Variants in HTT observed in about 807,000 individuals in gnomAD.
HTT encodes the protein huntingtin.
HTT carries 104 observed loss-of-function variants against 362.3 expected under a neutral mutation model. The observed-to-expected ratio is 0.29, with a 90% CI of 0.24 to 0.34. The LOEUF is 0.34. Ranked by LOEUF, HTT falls within the 10% of genes least tolerant of loss-of-function variation. The pLI is 1.00. For synonymous variants in HTT, 1,577 were observed against 1,548.7 expected (o/e 1.02, Z -0.43); for missense variants, 3,301 against 3,928.6 (o/e 0.84, Z 4.27).
intron 1 of HTT, among the ~76,000 whole-genome samples, 158 bp downstream of exon 1, chr4:3,075,246 C>T (rs1020461211): frequency 3.6e-4 from 55 of 152,364 alleles, no homozygotes; most frequent in Non-Finnish European, 6.8e-4. Flanking sequence ...CACCCGCCCC[C>T]TCCTGGGGCG....
At chr4:3,171,132 C>A (rs1364200275) in intron 29 of HTT, among the ~76,000 whole-genome samples, 1 of 152,098 alleles carries the variant, frequency 6.6e-6, no homozygotes, top group African/African-American at 2.4e-5. Context: ...CTGCTGGGAG[C>A]TAGTAAAAAC....
In HTT at chr4:3,147,949, A is replaced by T. The variant is rs904152595; in HGVS notation, c.3296-56A>T. 4 of 1,416,580 alleles carry T rather than the reference A, an allele frequency of 2.8e-6. No homozygotes were observed. The African/African-American group carries it at 4.3e-5, about 15-fold the overall frequency. The allele number at this position is 1,416,580 out of a possible 1,614,324, so 87.8% of individuals were successfully genotyped here. The stretch of plus-strand genomic sequence containing the variant: ...TTAAATGACTTCAGTTCCCCAAGCA[A>T]TTTGTCCTTCCCATGCTATTGGGGT... On this transcript the variant is annotated intron_variant, in intron 25 of 66. Transcript: ENST00000355072.
At chr4:3,086,608 C>G (rs949403146) in intron 1 of HTT, among the ~76,000 whole-genome samples, 7 of 152,124 alleles carry the variant, frequency 4.6e-5, no homozygotes, top group African/African-American at 1.7e-4. Context: ...GAGTTTAAGG[C>G]TAAAGTGAGC....
At chr4:3,215,947 CCT>C (rs910676617) in intron 51 of HTT, among the ~76,000 whole-genome samples, 1 of 152,164 alleles carries the variant, frequency 6.6e-6, no homozygotes, top group African/African-American at 2.4e-5. Flanking sequence ...GGGAATGGCC[CCT>C]GTTGCCTGTC....
chr4:3,177,783 G>A (rs1718303668), intron 34 of HTT, among the ~76,000 whole-genome samples: 1 of 152,062 alleles, frequency 6.6e-6, no homozygotes, highest in African/African-American at 2.4e-5. Flanking sequence ...TAGATGTTGA[G>A]GTTTTAATAC....
intron 33 of HTT, 41 bp from the exon 34 acceptor site, chr4:3,177,291 A>T: frequency 7.3e-7 from 1 of 1,364,068 alleles, no homozygotes. Context: ...TTTACATTTT[A>T]ATCCTATTAT....
chr4:3,220,249 T>A lies in HTT; in HGVS notation c.7310T>A (p.Val2437Glu). ...GGCACAGCATTCCCTGAGATCCCCG[T>A]GGAGTTCCTCCAGGAAAAGGAAGTC... ...DFGTAFPEIP[V>E]EFLQEKEVFK... Residue 2437 changes from valine (V) to glutamate (E), a missense_variant, in exon 53 of 67, where the codon GTG becomes GAG. Physicochemically the swap from Val to Glu is moderately radical, Grantham distance 121. Coordinates refer to ENST00000355072, the MANE Select transcript of HTT (RefSeq NM_001388492.1). The A allele has an allele frequency of 6.2e-7, 1 of 1,614,146 alleles. No individual in the cohort carries two copies. The highest frequency in any genetic ancestry group is 8.5e-7 in the Non-Finnish European group (1 of 1,179,986).
At chr4:3,172,131 G>GTATATAAC (rs1718010963) in intron 29 of HTT, among the ~76,000 whole-genome samples, 189 bp from the exon 30 acceptor site, 2 of 152,214 alleles carry the variant, frequency 1.3e-5, no homozygotes, top group African/African-American at 4.8e-5. Context: ...TGGTTGTAAT[G>GTATATAAC]TATATAACTT....
Position 3,122,902 on chromosome 4 carries a change from C to T in HTT, c.1287C>T (p.Ser429=). ...TGTGATTTGCAGCTGGAGGGGGTTC[C>T]TCATGCAGCCCTGTCCTTTCAAGAA... ...SIVELIAGGG[S]SCSPVLSRKQ... Residue 429 remains serine (S), a synonymous_variant, in exon 10 of 67, where the codon TCC becomes TCT. Transcript: ENST00000355072. The T allele has an allele frequency of 1.2e-6, 2 of 1,611,456 alleles. No individual in the cohort carries two copies. Among genetic ancestry groups the T allele is most frequent in the Non-Finnish European group, 8.5e-7 (1 of 1,178,498 alleles).
At chr4:3,227,957 C>T (rs900527793) in intron 57 of HTT, among the ~76,000 whole-genome samples, 3 of 152,190 alleles carry the variant, frequency 2.0e-5, no homozygotes, top group Non-Finnish European at 2.9e-5. Flanking sequence ...GGCCTGAGAG[C>T]TGTTCATACA....
intron 2 of HTT, among the ~76,000 whole-genome samples, chr4:3,094,694 G>A (rs1578492759): frequency 8.5e-6 from 1 of 118,244 alleles, no homozygotes; most frequent in Admixed American, 7.8e-5. Context: ...CGGACGGGGC[G>A]GCTGGCCGGG....
Position 3,160,254 on chromosome 4 carries a change from C to G in HTT, c.3754-28C>G, listed in dbSNP as rs1289368531. ...ATGAGATCGTGACAGGGCCAGTAAC[C>G]GTGTGTTCTCTCCTTCACCTTCCCA... On this transcript the variant is annotated intron_variant, in intron 28 of 66. Coordinates refer to ENST00000355072, the MANE Select transcript of HTT (RefSeq NM_001388492.1). 13 of 1,392,316 alleles carry G rather than the reference C, an allele frequency of 9.3e-6. No homozygotes were observed. The East Asian group carries it at 2.7e-4, about 29-fold the overall frequency. 86.2% of individuals were successfully genotyped at this position (1,392,316 alleles called of 1,614,324 possible).
chr4:3,144,913 A>C (rs1716526013), intron 23 of HTT, among the ~76,000 whole-genome samples: 1 of 152,164 alleles, frequency 6.6e-6, no homozygotes, highest in Admixed American at 6.5e-5. Flanking sequence ...AGATCATTCC[A>C]GGGTGTGGGC....
intron 26 of HTT, among the ~76,000 whole-genome samples, chr4:3,148,634 A>G (rs1274988247): frequency 6.6e-6 from 1 of 152,192 alleles, no homozygotes; most frequent in Non-Finnish European, 1.5e-5. Context: ...CGTCTCTACT[A>G]AAAATACAAA....
chr4:3,129,909 C>T lies in HTT; in HGVS notation c.1744-15C>T, dbSNP rs1324332989. 1.9e-6 allele frequency: 3 copies of T among 1,613,840 alleles called. No homozygotes were observed. Among genetic ancestry groups the T allele is most frequent in the East Asian group, 4.5e-5 (2 of 44,882 alleles). On this transcript the variant is annotated splice_polypyrimidine_tract_variant and intron_variant, in intron 12 of 66. Coordinates refer to ENST00000355072, the MANE Select transcript of HTT (RefSeq NM_001388492.1). ...CACACTTCAAAATTCTCACAGCCCC[C>T]CTTGAACCGTTTAGGTGTTAGACGG...
At chr4:3,149,524 T>G (rs1249851782) in intron 26 of HTT, among the ~76,000 whole-genome samples, 1 of 152,098 alleles carries the variant, frequency 6.6e-6, no homozygotes, top group African/African-American at 2.4e-5. Flanking sequence ...GTCAGGTTGG[T>G]CTCAAACTCC....
chr4:3,134,502 G>T lies in HTT; in HGVS notation c.2595G>T (p.Arg865Ser). The change falls in exon 19 of 67, where the codon AGG (arginine) becomes AGT (serine). Residue 865 changes from arginine (R) to serine (S), a missense_variant. Physicochemically the swap from Arg to Ser is moderately radical, Grantham distance 110 (BLOSUM62 -1). Transcript: ENST00000355072. ...TLRNSSYWLV[R>S]TELLETLAEI... is the part of the protein sequence containing the mutation. Reference sequence around the variant, plus strand: ...GGAACAGTTCCTATTGGCTGGTGAGGACAGAGCTTCTGGAAACCCTTGCAG... The same window carrying T: ...GGAACAGTTCCTATTGGCTGGTGAGTACAGAGCTTCTGGAAACCCTTGCAG... 1 of 1,614,126 alleles carries T rather than the reference G, an allele frequency of 6.2e-7. No homozygotes were observed. The highest frequency in any genetic ancestry group is 8.5e-7 in the Non-Finnish European group (1 of 1,179,982).
intron 8 of HTT, among the ~76,000 whole-genome samples, chr4:3,120,163 G>A (rs1254428373): frequency 1.3e-5 from 2 of 152,130 alleles, no homozygotes; most frequent in Admixed American, 1.3e-4. Flanking sequence ...AAAGAAACAT[G>A]TATTTTATAA....
intron 1 of HTT, among the ~76,000 whole-genome samples, chr4:3,078,585 T>C (rs930377547): frequency 1.3e-5 from 2 of 152,232 alleles, no homozygotes; most frequent in African/African-American, 2.4e-5. Context: ...TTTTGTTTTT[T>C]TTGAGACAGT....
Sources: allele counts gnomAD v4.1 joint callset (sites outside exome capture counted in the v4.1 genomes callset), GRCh38; gene constraint gnomAD v4.1.1; transcripts MANE v1.5; gene names NCBI Gene and HGNC (gene_info 2026-07-23, HGNC 2026-07-21).